CNTNAP2: variants seen among roughly 807,000 people sequenced by gnomAD.
CNTNAP2 encodes the protein contactin associated protein 2.
CNTNAP2 carries 98 observed loss-of-function variants against 155.2 expected under a neutral mutation model. The observed-to-expected ratio is 0.63, with a 90% CI of 0.54 to 0.75. CNTNAP2 has a LOEUF of 0.75. Ranked by LOEUF, CNTNAP2 falls within the 30% of genes least tolerant of loss-of-function variation. The probability of loss-of-function intolerance (pLI) is 0.00; values close to 1 mark genes in which losing one functional copy is unlikely to be tolerated. For missense variants in CNTNAP2, 1,727 were observed against 1,688.1 expected, an observed-to-expected ratio of 1.02 and a Z score of -0.40; for synonymous variants, 651 against 631.2, an observed-to-expected ratio of 1.03 and a Z score of -0.47.
chr7:147,870,041 G>A (rs1799301741), intron 13 of CNTNAP2, among the ~76,000 whole-genome samples: 2 of 152,152 alleles, frequency 1.3e-5, no homozygotes, highest in African/African-American at 4.8e-5. Context: ...ACAGGTGAAT[G>A]ACTAAGGCAA....
chr7:147,481,607 T>A (rs1439271698), intron 10 of CNTNAP2, among the ~76,000 whole-genome samples: 1 of 152,200 alleles, frequency 6.6e-6, no homozygotes, highest in Non-Finnish European at 1.5e-5. Flanking sequence ...ATGAATTTTA[T>A]TTGAATAAAA....
intron 1 of CNTNAP2, among the ~76,000 whole-genome samples, chr7:146,474,500 A>G (rs548478969): frequency 3.3e-5 from 5 of 151,374 alleles, no homozygotes; most frequent in African/African-American, 9.7e-5. Flanking sequence ...GTTGTTCTTC[A>G]CATGATTTGA....
intron 13 of CNTNAP2, among the ~76,000 whole-genome samples, chr7:147,764,060 T>C (rs1797347783): frequency 6.6e-6 from 1 of 152,188 alleles, no homozygotes; most frequent in Non-Finnish European, 1.5e-5. Context: ...CCTTATACTT[T>C]ACCTTTGCTG....
chr7:146,821,773 T>C (rs541175100), intron 2 of CNTNAP2, among the ~76,000 whole-genome samples: 46 of 151,962 alleles, frequency 3.0e-4, no homozygotes, highest in Non-Finnish European at 2.5e-4. Context: ...CACAATGAGA[T>C]ACCATCTCAC....
chr7:148,280,638 G>T (rs920517400), intron 21 of CNTNAP2, among the ~76,000 whole-genome samples: 18 of 152,162 alleles, frequency 1.2e-4, no homozygotes, highest in African/African-American at 4.1e-4. Context: ...GCAATAAAAA[G>T]CCGGGCACGG....
intron 15 of CNTNAP2, among the ~76,000 whole-genome samples, chr7:148,072,215 A>G (rs917337433): frequency 3.3e-5 from 5 of 152,220 alleles, no homozygotes; most frequent in Admixed American, 2.6e-4. Flanking sequence ...GAACTCTTCT[A>G]AGAGTTAAGC....
intron 1 of CNTNAP2, among the ~76,000 whole-genome samples, chr7:146,213,709 T>G (rs1180517510): frequency 2.6e-5 from 4 of 152,182 alleles, no homozygotes; most frequent in Non-Finnish European, 5.9e-5. Context: ...TGTTCTCTAA[T>G]TCAGATATAA....
intron 4 of CNTNAP2, among the ~76,000 whole-genome samples, chr7:147,097,280 A>G (rs1368870843): frequency 2.6e-5 from 4 of 152,224 alleles, no homozygotes; most frequent in Non-Finnish European, 5.9e-5. Context: ...ATGATTTTAC[A>G]AGTTTAAAGT....
chr7:146,369,576 G>T (rs543206400), intron 1 of CNTNAP2, among the ~76,000 whole-genome samples: 1 of 152,008 alleles, frequency 6.6e-6, no homozygotes, highest in Admixed American at 6.6e-5. Context: ...TAACAGAAAG[G>T]ACTTTTGATT....
chr7:146,910,363 A>C (rs532663111), intron 3 of CNTNAP2, among the ~76,000 whole-genome samples: 4 of 149,972 alleles, frequency 2.7e-5, no homozygotes, highest in South Asian at 2.1e-4. Context: ...CCTAAGCCAA[A>C]AGAACAAAGC....
At chr7:146,867,323 G>A (rs1175341558) in intron 3 of CNTNAP2, among the ~76,000 whole-genome samples, 1 of 152,024 alleles carries the variant, frequency 6.6e-6, no homozygotes, top group Non-Finnish European at 1.5e-5. Context: ...CCTCCACCTA[G>A]TCCATGTTCC....
intron 1 of CNTNAP2, among the ~76,000 whole-genome samples, chr7:146,760,481 G>C (rs1408667725): frequency 1.6e-5 from 2 of 124,494 alleles, no homozygotes; most frequent in East Asian, 5.2e-4. Flanking sequence ...CTGGAATGCA[G>C]TGGCATAATC....
At chr7:146,665,873 ATATT>A (rs939192280) in intron 1 of CNTNAP2, among the ~76,000 whole-genome samples, 44 of 151,606 alleles carry the variant, frequency 2.9e-4, no homozygotes, top group Middle Eastern at 3.4e-3. Context: ...TGACATAAAA[ATATT>A]TATGTATAAT....
At chr7:146,387,918 TAAAGGTATTTATTTTACAGTTTTCTGTC>T (rs1192579943) in intron 1 of CNTNAP2, among the ~76,000 whole-genome samples, 1 of 152,084 alleles carries the variant, frequency 6.6e-6, no homozygotes, top group Admixed American at 6.6e-5. Context: ...TTCAGGATGC[TAAAGGTATTTATTTTACAGTTTTCTGTC>T]ATCTTATTTT....
intron 21 of CNTNAP2, among the ~76,000 whole-genome samples, chr7:148,352,298 G>C (rs1798441096): frequency 6.6e-6 from 1 of 152,144 alleles, no homozygotes; most frequent in Non-Finnish European, 1.5e-5. Context: ...AGGAAGCTGT[G>C]ATCTTAAGGA....
intron 1 of CNTNAP2, among the ~76,000 whole-genome samples, chr7:146,555,901 A>G (rs1798191595): frequency 6.6e-6 from 1 of 152,184 alleles, no homozygotes; most frequent in Non-Finnish European, 1.5e-5. Flanking sequence ...TTCTAACAGA[A>G]GTGTTACAAA....
chr7:146,391,198 G>T (rs1184609413), intron 1 of CNTNAP2, among the ~76,000 whole-genome samples: 2 of 150,836 alleles, frequency 1.3e-5, no homozygotes, highest in Non-Finnish European at 2.9e-5. Context: ...ACAAGTAAAT[G>T]TGATGCCTGC....
At chr7:147,707,562 CA>C (rs1432182912) in intron 13 of CNTNAP2, among the ~76,000 whole-genome samples, 2 of 152,162 alleles carry the variant, frequency 1.3e-5, no homozygotes, top group Non-Finnish European at 2.9e-5. Flanking sequence ...CCTTGGGCCC[CA>C]GGGCAACATA....
chr7:146,540,661 G>T (rs1159711054), intron 1 of CNTNAP2, among the ~76,000 whole-genome samples: 1 of 151,920 alleles, frequency 6.6e-6, no homozygotes, highest in Non-Finnish European at 1.5e-5. Flanking sequence ...ACCCCCATTG[G>T]TTAGAAGCTG....
Sources: gnomAD v4.1 joint callset for allele counts (sites outside exome capture counted in the v4.1 genomes callset) on GRCh38, gnomAD v4.1.1 for gene constraint, MANE v1.5 for transcripts, NCBI Gene and HGNC (gene_info 2026-07-23, HGNC 2026-07-21) for gene names.